NTRK2: variants seen among roughly 807,000 people sequenced by gnomAD.
NTRK2 encodes the protein neurotrophic receptor tyrosine kinase 2, also known as BDNF/NT-3 growth factors receptor.
NTRK2 carries 13 observed loss-of-function variants against 94.5 expected under a neutral mutation model. The observed-to-expected ratio is 0.14, with a 90% CI of 0.09 to 0.22. NTRK2 has a LOEUF of 0.22. NTRK2 is among the 10% of genes least tolerant of loss of function. The pLI, the probability that NTRK2 is intolerant of heterozygous loss-of-function variation, is 1.00. For missense variants in NTRK2, 639 were observed against 1,071.2 expected (o/e 0.60, Z 5.63); for synonymous variants, 372 against 407.4 (o/e 0.91, Z 1.05).
intron 8 of NTRK2, among the ~76,000 whole-genome samples, chr9:84,725,538 C>T (rs924591475): frequency 2.6e-5 from 4 of 151,748 alleles, no homozygotes; most frequent in Admixed American, 6.6e-5. Context: ...TGGCCCCTGC[C>T]CCACTGTGGT....
chr9:84,715,362 C>A (rs1277754062), intron 6 of NTRK2, among the ~76,000 whole-genome samples: 1 of 151,274 alleles, frequency 6.6e-6, no homozygotes, highest in African/African-American at 2.4e-5. Flanking sequence ...TTCTTTATAT[C>A]CTTAGAGATT....
At chr9:84,947,674 C>T (rs538588589) in intron 15 of NTRK2, among the ~76,000 whole-genome samples, 1 of 152,312 alleles carries the variant, frequency 6.6e-6, no homozygotes, top group Admixed American at 6.5e-5. Context: ...ATATACATGT[C>T]ATATCTCCCT....
intron 17 of NTRK2, among the ~76,000 whole-genome samples, chr9:85,018,790 A>G (rs1415733526): frequency 6.6e-6 from 1 of 152,220 alleles, no homozygotes; most frequent in Non-Finnish European, 1.5e-5. Flanking sequence ...AAGTAAGACC[A>G]TAAGAGAAGT....
At chr9:84,975,649 T>C (rs1826751360) in intron 17 of NTRK2, among the ~76,000 whole-genome samples, 1 of 152,210 alleles carries the variant, frequency 6.6e-6, no homozygotes, top group African/African-American at 2.4e-5. Flanking sequence ...AGTCTGTTTA[T>C]CAGTGCAACA....
chr9:84,932,578 AC>A (rs1294296061), intron 14 of NTRK2, among the ~76,000 whole-genome samples: 1 of 152,230 alleles, frequency 6.6e-6, no homozygotes, highest in African/African-American at 2.4e-5. Context: ...AATTAAAAAA[AC>A]ATTTTAAAAA....
At chr9:84,819,433 T>C (rs1429688106) in intron 12 of NTRK2, among the ~76,000 whole-genome samples, 1 of 152,208 alleles carries the variant, frequency 6.6e-6, no homozygotes, top group African/African-American at 2.4e-5. Flanking sequence ...CTGAGGGTGC[T>C]TCCAGGCTTT....
At chr9:84,820,913 T>C (rs1587504557) in intron 12 of NTRK2, among the ~76,000 whole-genome samples, 1 of 152,328 alleles carries the variant, frequency 6.6e-6, no homozygotes, top group African/African-American at 2.4e-5. Context: ...CACATCAGAT[T>C]TGTCTGCCTA....
intron 6 of NTRK2, among the ~76,000 whole-genome samples, chr9:84,718,518 C>G (rs1295665349): frequency 6.6e-6 from 1 of 152,128 alleles, no homozygotes; most frequent in Non-Finnish European, 1.5e-5. Context: ...GGTCTACAGG[C>G]CAGTACATCC....
intron 12 of NTRK2, among the ~76,000 whole-genome samples, chr9:84,784,202 C>T (rs1049699203): frequency 1.3e-5 from 2 of 152,088 alleles, no homozygotes; most frequent in African/African-American, 4.8e-5. Flanking sequence ...TCTCACCTGT[C>T]TTTAAATTTT....
chr9:84,872,393 G>A (rs200405034), intron 14 of NTRK2: 158 of 1,088,264 alleles, frequency 1.5e-4, no homozygotes, highest in Non-Finnish European at 1.7e-4. Context: ...ATCTTCTCCC[G>A]TCGGAGCAAA....
At chr9:84,916,026 A>C (rs2132531059) in intron 14 of NTRK2, among the ~76,000 whole-genome samples, 1 of 152,120 alleles carries the variant, frequency 6.6e-6, no homozygotes, top group East Asian at 1.9e-4. Flanking sequence ...CAAATTGGGG[A>C]GCTCACCTGG....
chr9:84,926,625 T>C (rs11788989), intron 14 of NTRK2, among the ~76,000 whole-genome samples: 5,602 of 152,330 alleles, frequency 0.037, 137 homozygotes, highest in Admixed American at 0.06. Flanking sequence ...TCTGGACTTT[T>C]CTTTCACCTC....
chr9:84,944,209 T>TCACA (rs1482521508), intron 15 of NTRK2, among the ~76,000 whole-genome samples: 14 of 140,188 alleles, frequency 1.0e-4, no homozygotes, highest in African/African-American at 4.0e-4. Context: ...TCTCTCTCTC[T>TCACA]CTCTCTCACA....
chr9:84,686,304 G>C (rs1332875456), intron 2 of NTRK2, among the ~76,000 whole-genome samples: 2 of 152,192 alleles, frequency 1.3e-5, no homozygotes, highest in Non-Finnish European at 2.9e-5. Context: ...GCAAAGAGAG[G>C]GGAGGATGAG....
At chr9:84,699,107 G>T (rs2060565449) in intron 2 of NTRK2, among the ~76,000 whole-genome samples, 1 of 151,624 alleles carries the variant, frequency 6.6e-6, no homozygotes, top group Non-Finnish European at 1.5e-5. Flanking sequence ...TGTGATCTCG[G>T]CTCATGTCAA....
At chr9:84,846,221 C>T (rs560554433) in intron 12 of NTRK2, among the ~76,000 whole-genome samples, 1 of 152,196 alleles carries the variant, frequency 6.6e-6, no homozygotes, top group African/African-American at 2.4e-5. Flanking sequence ...AACAGTTAAA[C>T]CTGATGTGAA....
chr9:84,705,664 C>T (rs990088286), intron 4 of NTRK2, among the ~76,000 whole-genome samples: 6 of 151,144 alleles, frequency 4.0e-5, no homozygotes, highest in Non-Finnish European at 8.8e-5. Context: ...TTTGGTTTTT[C>T]GTTTGTTTGT....
intron 12 of NTRK2, among the ~76,000 whole-genome samples, chr9:84,799,662 A>G (rs560038061): frequency 6.6e-6 from 1 of 151,902 alleles, no homozygotes; most frequent in Admixed American, 6.6e-5. Flanking sequence ...GATGTTCAGC[A>G]TGGGAGGGCA....
At chr9:84,840,770 T>G (rs548145967) in intron 12 of NTRK2, among the ~76,000 whole-genome samples, 1 of 152,258 alleles carries the variant, frequency 6.6e-6, no homozygotes, top group East Asian at 1.9e-4. Flanking sequence ...AATTCCTCTC[T>G]TTCTCCTTTC....
Sources: gnomAD v4.1 joint callset for allele counts (sites outside exome capture counted in the v4.1 genomes callset) on GRCh38, gnomAD v4.1.1 for gene constraint, MANE v1.5 for transcripts, NCBI Gene and HGNC (gene_info 2026-07-23, HGNC 2026-07-21) for gene names.